Variants in PTPRD observed in about 807,000 individuals in gnomAD.
The protein encoded by PTPRD is protein tyrosine phosphatase receptor type D, also known as receptor-type tyrosine-protein phosphatase delta.
Under a neutral mutation model 214.5 loss-of-function variants are expected in PTPRD, and 34 were observed. The observed-to-expected ratio is 0.16, with a 90% CI of 0.12 to 0.21. The LOEUF is 0.21. Ranked by LOEUF, PTPRD falls within the 10% of genes least tolerant of loss-of-function variation. PTPRD has a pLI of 1.00. For missense variants in PTPRD, 2,545 were observed against 2,398.7 expected (o/e 1.06, Z -1.27); for synonymous variants, 1,128 against 845.7 (o/e 1.33, Z -5.79).
intron 10 of PTPRD, among the ~76,000 whole-genome samples, chr9:9,093,041 G>T (rs2099778500): frequency 6.6e-6 from 1 of 151,968 alleles, no homozygotes; most frequent in African/African-American, 2.4e-5. Context: ...AAAAAAAGCA[G>T]AAACGGCTAT....
At chr9:8,732,618 T>G (rs2098672352) in intron 12 of PTPRD, among the ~76,000 whole-genome samples, 1 of 152,234 alleles carries the variant, frequency 6.6e-6, no homozygotes, top group Non-Finnish European at 1.5e-5. Flanking sequence ...AAGTGCTAAT[T>G]AGGAAACTAT....
At chr9:10,315,014 G>C (rs1039828437) in intron 3 of PTPRD, among the ~76,000 whole-genome samples, 6 of 151,936 alleles carry the variant, frequency 3.9e-5, no homozygotes, top group African/African-American at 1.2e-4. Flanking sequence ...GGAATGATGT[G>C]AGAGGTAGTG....
At chr9:9,956,681 C>T (rs2093956414) in intron 4 of PTPRD, among the ~76,000 whole-genome samples, 1 of 151,576 alleles carries the variant, frequency 6.6e-6, no homozygotes, top group Non-Finnish European at 1.5e-5. Context: ...AGGGAATGGC[C>T]CATACATGAA....
intron 4 of PTPRD, among the ~76,000 whole-genome samples, chr9:10,003,673 G>T (rs1273262517): frequency 2.6e-5 from 4 of 151,434 alleles, no homozygotes; most frequent in Non-Finnish European, 4.4e-5. Context: ...ACCCAATAAG[G>T]CTGATAAAAC....
intron 3 of PTPRD, among the ~76,000 whole-genome samples, chr9:10,214,778 G>A (rs996374417): frequency 3.3e-5 from 5 of 152,022 alleles, no homozygotes; most frequent in African/African-American, 1.2e-4. Flanking sequence ...TATCCTTTTT[G>A]TATTGGTCTC....
intron 8 of PTPRD, among the ~76,000 whole-genome samples, chr9:9,560,070 C>G (rs571086333): frequency 7.9e-5 from 12 of 152,238 alleles, no homozygotes; most frequent in African/African-American, 2.9e-4. Flanking sequence ...AAAAACTACA[C>G]TTCCACCAAC....
intron 7 of PTPRD, among the ~76,000 whole-genome samples, chr9:9,696,390 C>T (rs1313402541): frequency 2.0e-5 from 3 of 152,042 alleles, no homozygotes; most frequent in South Asian, 2.1e-4. Flanking sequence ...TTCATTACTG[C>T]GAGAGAGGTG....
chr9:10,453,975 T>A (rs949295838), intron 2 of PTPRD, among the ~76,000 whole-genome samples: 33 of 151,712 alleles, frequency 2.2e-4, no homozygotes, highest in African/African-American at 7.7e-4. Flanking sequence ...CCCCAAACAA[T>A]AGGCTGGTAT....
At chr9:8,923,355 T>C (rs1184249844) in intron 11 of PTPRD, among the ~76,000 whole-genome samples, 1 of 151,842 alleles carries the variant, frequency 6.6e-6, no homozygotes, top group East Asian at 1.9e-4. Flanking sequence ...TTCTACGTAC[T>C]TCTTATTTTA....
intron 11 of PTPRD, among the ~76,000 whole-genome samples, chr9:8,887,491 C>T (rs1266762386): frequency 6.6e-6 from 1 of 151,982 alleles, no homozygotes; most frequent in Non-Finnish European, 1.5e-5. Context: ...AGTTATGTCA[C>T]CACTCTTTCC....
chr9:10,148,784 T>C (rs2099041238), intron 3 of PTPRD, among the ~76,000 whole-genome samples: 1 of 152,260 alleles, frequency 6.6e-6, no homozygotes, highest in African/African-American at 2.4e-5. Context: ...AAGAACCATG[T>C]CTATGTATAC....
chr9:10,068,176 G>C (rs189081252), intron 3 of PTPRD, among the ~76,000 whole-genome samples: 1 of 152,006 alleles, frequency 6.6e-6, no homozygotes. Flanking sequence ...CTGGTTGCAG[G>C]AGAAAGCATA....
intron 26 of PTPRD, among the ~76,000 whole-genome samples, chr9:8,496,784 T>C (rs1441830421): frequency 6.6e-6 from 1 of 152,224 alleles, no homozygotes; most frequent in African/African-American, 2.4e-5. Context: ...AGCAGGCTTA[T>C]CCAACATGCA....
chr9:8,730,020 G>C (rs774013383), intron 12 of PTPRD, among the ~76,000 whole-genome samples: 1 of 152,190 alleles, frequency 6.6e-6, no homozygotes, highest in Non-Finnish European at 1.5e-5. Flanking sequence ...ACTTTGGGAG[G>C]CCAAGATGGG....
At chr9:8,546,224 A>G (rs950727500) in intron 14 of PTPRD, among the ~76,000 whole-genome samples, 1 of 152,194 alleles carries the variant, frequency 6.6e-6, no homozygotes, top group Non-Finnish European at 1.5e-5. Context: ...ATAAAAACTG[A>G]TTTTGGTTAG....
At chr9:9,671,092 G>A (rs749858246) in intron 7 of PTPRD, among the ~76,000 whole-genome samples, 1 of 152,134 alleles carries the variant, frequency 6.6e-6, no homozygotes, top group South Asian at 2.1e-4. Flanking sequence ...GAAAGCAGCT[G>A]GGAGGGAAAC....
intron 11 of PTPRD, among the ~76,000 whole-genome samples, chr9:8,963,895 T>C (rs2099172085): frequency 6.6e-6 from 1 of 152,180 alleles, no homozygotes; most frequent in African/African-American, 2.4e-5. Flanking sequence ...ATTACAGGCA[T>C]GAGCCATTGC....
At position 9,342,773 on chromosome 9, in the gene PTPRD, A is replaced by C. The variant is rs1596074819; in HGVS notation, c.-203+54676T>G. Reference sequence around the variant, plus strand: ...ATGTGCAGAACATGCAGGTTTGATAAATAGGTATACACGTGCCATGGTGGT... The same window carrying C: ...ATGTGCAGAACATGCAGGTTTGATACATAGGTATACACGTGCCATGGTGGT... On this transcript the variant is annotated intron_variant, in intron 9 of 45. Coordinates refer to ENST00000381196, the MANE Select transcript of PTPRD (RefSeq NM_002839.4). Among the ~76,000 whole-genome samples, 5 of 151,936 alleles carry C rather than the reference A, an allele frequency of 3.3e-5. No individual in the cohort carries two copies. The South Asian group carries it at 1.0e-3, about 32-fold the overall frequency.
chr9:8,481,409 A>C (rs985508720), intron 30 of PTPRD, among the ~76,000 whole-genome samples: 1 of 152,174 alleles, frequency 6.6e-6, no homozygotes, highest in Non-Finnish European at 1.5e-5. Flanking sequence ...TCAGGTCTGA[A>C]TTTATTAATT....
Sources: allele counts gnomAD v4.1 joint callset (sites outside exome capture counted in the v4.1 genomes callset), GRCh38; gene constraint gnomAD v4.1.1; transcripts MANE v1.5; gene names NCBI Gene and HGNC (gene_info 2026-07-23, HGNC 2026-07-21).